FOXR2: variants seen among roughly 807,000 people sequenced by gnomAD.
The protein encoded by FOXR2 is forkhead box protein R2.
For synonymous variants in FOXR2, 109 were observed against 84.1 expected (o/e 1.30, Z -1.62); for missense variants, 234 against 227.1 (o/e 1.03, Z -0.20).
Position 55,624,123 on chromosome X carries a change from C to A in FOXR2, c.412C>A (p.Gln138Lys). The change falls in exon 1 of 1, where the codon CAG becomes AAG. Residue 138 changes from glutamine to lysine, a missense_variant. Coordinates refer to ENST00000339140, the MANE Select transcript of FOXR2 (RefSeq NM_198451.4). ...VESLPSSSSE[Q>K]SPLQKQGIHS... The stretch of plus-strand genomic sequence containing the variant: ...GTCTCTGCCATCTTCCTCCAGTGAG[C>A]AGTCTCCTTTACAGAAGCAGGGTAT... 8.3e-7 allele frequency: 1 copy of A among 1,211,924 alleles called. No individual in the cohort carries two copies. The highest frequency in any genetic ancestry group is 1.1e-6 in the Non-Finnish European group (1 of 895,528).
In FOXR2 at chrX:55,626,083, CAT is replaced by C. The variant is rs1237798791; in HGVS notation, c.*1439_*1440del. ...ATATTTAGGTTAAATCACAAAACAA[CAT>C]ATGCAAACAGTATTTTTTGAAAAAA... On this transcript the variant is annotated 3_prime_UTR_variant, in exon 1 of 1. Coordinates refer to ENST00000339140, the MANE Select transcript of FOXR2 (RefSeq NM_198451.4). Among the ~76,000 whole-genome samples, 266 of 111,651 alleles carry C rather than the reference CAT, an allele frequency of 2.4e-3. No homozygotes were observed. The highest frequency in any genetic ancestry group is 8.3e-3 in the African/African-American group (257 of 30,843).
At position 55,623,752 on chromosome X, in the gene FOXR2, TC is replaced by T; in HGVS notation, c.43del (p.His15MetfsTer12). The T allele has an allele frequency of 8.3e-7, 1 of 1,211,265 alleles. No homozygotes were observed. The highest frequency in any genetic ancestry group is 2.2e-5 in the Admixed American group (1 of 46,027). Reference protein sequence around the residue: ...KLKDCEFWYSLHGQVPGLLDW... With the variant: ...KLKDCEFWYSXHGQVPGLLDW... ...AAAGACTGTGAATTTTGGTATAGTC[TC>T]CATGGCCAGGTCCCAGGGCTGCTGG... On this transcript the variant is annotated frameshift_variant, in exon 1 of 1. Transcript: ENST00000339140. LOFTEE classifies it low-confidence loss of function (END_TRUNC).
At position 55,624,883 on chromosome X, in the gene FOXR2, C is replaced by A; in HGVS notation, c.*236C>A. On this transcript the variant is annotated 3_prime_UTR_variant, in exon 1 of 1. Coordinates refer to ENST00000339140, the MANE Select transcript of FOXR2 (RefSeq NM_198451.4). Reference sequence around the variant, plus strand: ...AGTGGCTGTTGTTCCAAATTTTGAGCAAAGGAAAAGAAATCCTAGAAACAA... The same window carrying A: ...AGTGGCTGTTGTTCCAAATTTTGAGAAAAGGAAAAGAAATCCTAGAAACAA... 2.8e-6 allele frequency: 1 copy of A among 355,672 alleles called. No homozygotes were observed. The highest frequency in any genetic ancestry group is 5.0e-6 in the Non-Finnish European group (1 of 198,832). 29.3% of individuals were successfully genotyped at this position (355,672 alleles called of 1,213,427 possible). A position where few individuals can be genotyped will look rare whatever the true frequency, so the allele number is the denominator to read the frequency against.
In FOXR2 at chrX:55,624,323, A is replaced by T; in HGVS notation, c.612A>T (p.Ala204=). 8.2e-7 allele frequency: 1 copy of T among 1,212,279 alleles called. No homozygotes were observed. The highest frequency in any genetic ancestry group is 1.1e-6 in the Non-Finnish European group (1 of 895,587). ...PLNCSHLIAL[A]LRNNPHCGLS... is the part of the protein sequence containing the mutation. ...ATTGTAGCCACCTTATTGCCCTAGC[A>T]TTAAGAAACAACCCCCACTGTGGCC... The change falls in exon 1 of 1, where the codon GCA becomes GCT. Residue 204 remains alanine (A), a synonymous_variant. Transcript: ENST00000339140.
In FOXR2 at chrX:55,624,713, TA is replaced by T; in HGVS notation, c.*68del. 2 of 888,801 alleles carry T rather than the reference TA, an allele frequency of 2.3e-6. No individual in the cohort carries two copies. The highest frequency in any genetic ancestry group is 3.2e-6 in the Non-Finnish European group (2 of 626,674). 73.2% of individuals were successfully genotyped at this position (888,801 alleles called of 1,213,427 possible). On this transcript the variant is annotated 3_prime_UTR_variant, in exon 1 of 1. Transcript: ENST00000339140. ...TGCCTACTTATCCCCTGACATTCAT[TA>T]ATCTCTAAACTTACCCAGCCTGGTT...
rs2032332593 is a variant in FOXR2, at chrX:55,625,366, T to C, written c.*719T>C. 8.4e-6 allele frequency: 1 copy of C among 119,196 alleles called. No homozygotes were observed. The highest frequency in any genetic ancestry group is 9.6e-5 in the Admixed American group (1 of 10,447). The allele number at this position is 119,196 out of a possible 1,213,427, so 9.8% of individuals were successfully genotyped here. A position where few individuals can be genotyped will look rare whatever the true frequency, so the allele number is the denominator to read the frequency against. ...ATTTTATTGAGGATATGCTAATGTGTCAAGGTCCATCTTAGATGCTGAGGA... is the reference window on the plus strand; with the variant it reads ...ATTTTATTGAGGATATGCTAATGTGCCAAGGTCCATCTTAGATGCTGAGGA... On this transcript the variant is annotated 3_prime_UTR_variant, in exon 1 of 1. Coordinates refer to ENST00000339140, the MANE Select transcript of FOXR2 (RefSeq NM_198451.4).
In FOXR2 at chrX:55,625,018, G is replaced by C. The variant is rs2032330076; in HGVS notation, c.*371G>C. 6.6e-6 allele frequency: 1 copy of C among 151,924 alleles called. No individual in the cohort carries two copies. Among genetic ancestry groups the C allele is most frequent in the African/African-American group, 3.1e-5 (1 of 32,037 alleles). 12.5% of individuals were successfully genotyped at this position (151,924 alleles called of 1,213,427 possible). On this transcript the variant is annotated 3_prime_UTR_variant, in exon 1 of 1. Transcript: ENST00000339140. ...AACAGTGGAATATAAAGCATAAAAG[G>C]CAGGATGGAGCCGAGCCATGGAGAA...
rs970887426 is a variant in FOXR2, at chrX:55,623,475, TCTTTTTTATTA to T, written c.-233_-223del. On this transcript the variant is annotated 5_prime_UTR_variant, in exon 1 of 1. The change abolishes the stop of an existing upstream ORF in the 5' untranslated region. Coordinates refer to ENST00000339140, the MANE Select transcript of FOXR2 (RefSeq NM_198451.4). ...TAAAAATGTTTTTCTGCTCAAAAGC[TCTTTTTTATTA>T]CTTCCATGTTTTGAGCCTTGTTCCA... is the stretch of plus-strand genomic sequence containing the variant. 13 of 303,940 alleles carry T rather than the reference TCTTTTTTATTA, an allele frequency of 4.3e-5. No homozygotes were observed. Among genetic ancestry groups the T allele is most frequent in the African/African-American group, 3.0e-4 (11 of 36,695 alleles). 25.0% of individuals were successfully genotyped at this position (303,940 alleles called of 1,213,427 possible).
In FOXR2 at chrX:55,624,335, C is replaced by A. The variant is rs748142372; in HGVS notation, c.624C>A (p.Asn208Lys). The change falls in exon 1 of 1, where the codon AAC (asparagine) becomes AAA (lysine). Residue 208 changes from asparagine (N) to lysine (K), a missense_variant. Physicochemically the swap from Asn to Lys is moderately conservative, Grantham distance 94. Coordinates refer to ENST00000339140, the MANE Select transcript of FOXR2 (RefSeq NM_198451.4). ...TTATTGCCCTAGCATTAAGAAACAA[C>A]CCCCACTGTGGCCTCAGTGTGCAGG... Reference protein sequence around the residue: ...SHLIALALRNNPHCGLSVQEI... With the variant: ...SHLIALALRNKPHCGLSVQEI... 5 of 1,212,157 alleles carry A rather than the reference C, an allele frequency of 4.1e-6. No individual in the cohort carries two copies. Among genetic ancestry groups the A allele is most frequent in the Non-Finnish European group, 5.6e-6 (5 of 895,535 alleles).
At position 55,623,850 on chromosome X, in the gene FOXR2, G is replaced by A. The variant is rs769722308; in HGVS notation, c.139G>A (p.Ala47Thr). Residue 47 changes from alanine (A) to threonine (T), a missense_variant, in exon 1 of 1, where the codon GCC becomes ACC. By Grantham distance (58) the Ala-to-Thr change is moderately conservative. Transcript: ENST00000339140. ...DQCSLAEQILAKYRVGVMKPP... is the reference protein window; with the variant it reads ...DQCSLAEQILTKYRVGVMKPP... ...GTGCTCTTTAGCTGAGCAAATCCTT[G>A]CCAAATACAGAGTCGGAGTAATGAA... 91 of 1,209,746 alleles carry A rather than the reference G, an allele frequency of 7.5e-5. No individual in the cohort carries two copies. Among genetic ancestry groups the A allele is most frequent in the Non-Finnish European group, 9.0e-5 (81 of 895,194 alleles).
rs1366774250 is a variant in FOXR2, at chrX:55,624,379, G to A, written c.668G>A (p.Arg223Gln). 1.7e-6 allele frequency: 2 copies of A among 1,211,977 alleles called. No individual in the cohort carries two copies. The highest frequency in any genetic ancestry group is 1.8e-5 in the South Asian group (1 of 57,031). The change falls in exon 1 of 1, where the codon CGA (arginine) becomes CAA (glutamine). Residue 223 changes from arginine to glutamine, a missense_variant. Coordinates refer to ENST00000339140, the MANE Select transcript of FOXR2 (RefSeq NM_198451.4). ...LSVQEIYNFT[R>Q]QHFPFFWTAP... ...GTGCAGGAGATCTACAATTTCACCC[G>A]ACAGCATTTCCCCTTTTTCTGGACA...
Position 55,624,563 on chromosome X carries a change from T to A in FOXR2, c.852T>A (p.Thr284=), listed in dbSNP as rs2032324620. 1.7e-6 allele frequency: 2 copies of A among 1,211,649 alleles called. No homozygotes were observed. Among genetic ancestry groups the A allele is most frequent in the Non-Finnish European group, 2.2e-6 (2 of 895,073 alleles). ...KEGHRRFWEE[T]RVLAFAQRER... The stretch of plus-strand genomic sequence containing the variant: ...GGCACCGCCGCTTTTGGGAGGAGAC[T>A]CGTGTCTTAGCCTTTGCTCAAAGGG... The change falls in exon 1 of 1, where the codon ACT becomes ACA. Residue 284 remains threonine, a synonymous_variant. Transcript: ENST00000339140.
In FOXR2 at chrX:55,623,840, G is replaced by A. The variant is rs1323194198; in HGVS notation, c.129G>A (p.Glu43=). 2.5e-6 allele frequency: 3 copies of A among 1,209,780 alleles called. No homozygotes were observed. Among genetic ancestry groups the A allele is most frequent in the South Asian group, 1.8e-5 (1 of 56,780 alleles). Residue 43 remains glutamate (E), a synonymous_variant, in exon 1 of 1, where the codon GAG becomes GAA. Coordinates refer to ENST00000339140, the MANE Select transcript of FOXR2 (RefSeq NM_198451.4). ...PCTTDQCSLA[E]QILAKYRVGV... is the part of the protein sequence containing the mutation. The stretch of plus-strand genomic sequence containing the variant: ...CCACAGACCAGTGCTCTTTAGCTGA[G>A]CAAATCCTTGCCAAATACAGAGTCG...
In FOXR2 at chrX:55,626,180, A is replaced by G. The variant is rs1033391102; in HGVS notation, c.*1533A>G. Among the ~76,000 whole-genome samples the G allele has an allele frequency of 8.9e-6, 1 of 112,371 alleles. No homozygotes were observed. The highest frequency in any genetic ancestry group is 3.2e-5 in the African/African-American group (1 of 30,974). On this transcript the variant is annotated 3_prime_UTR_variant, in exon 1 of 1. Coordinates refer to ENST00000339140, the MANE Select transcript of FOXR2 (RefSeq NM_198451.4). ...CAGAATACCTTGGAATTAATAAAAT[A>G]TTCTGCATATAAGTAGTCACCAGTT...
At position 55,623,609 on chromosome X, in the gene FOXR2, T is replaced by G; in HGVS notation, c.-103T>G. The G allele has an allele frequency of 1.6e-4, 92 of 564,808 alleles. No homozygotes were observed. Among genetic ancestry groups the G allele is most frequent in the Non-Finnish European group, 2.4e-4 (83 of 348,646 alleles). The allele number at this position is 564,808 out of a possible 1,213,427, so 46.5% of individuals were successfully genotyped here. A position where few individuals can be genotyped will look rare whatever the true frequency, so the allele number is the denominator to read the frequency against. ...CAGGCCTACTGATAAGCTCCCTAGA[T>G]GAGATACACTGCATAAAAAAATGAT... On this transcript the variant is annotated 5_prime_UTR_variant, in exon 1 of 1. An upstream start codon of the reference 5' UTR is lost. Coordinates refer to ENST00000339140, the MANE Select transcript of FOXR2 (RefSeq NM_198451.4).
At position 55,625,281 on chromosome X, in the gene FOXR2, G is replaced by C. The variant is rs2032331709; in HGVS notation, c.*634G>C. On this transcript the variant is annotated 3_prime_UTR_variant, in exon 1 of 1. Coordinates refer to ENST00000339140, the MANE Select transcript of FOXR2 (RefSeq NM_198451.4). ...GTTTAACGTCCTGTGAAATATTCCT[G>C]TATTAACCCCAAGCCTTTTGATGAT... is the stretch of plus-strand genomic sequence containing the variant. 1 of 122,910 alleles carries C rather than the reference G, an allele frequency of 8.1e-6. No individual in the cohort carries two copies. The highest frequency in any genetic ancestry group is 1.9e-5 in the Non-Finnish European group (1 of 53,262). 10.1% of individuals were successfully genotyped at this position (122,910 alleles called of 1,213,427 possible).
In FOXR2 at chrX:55,623,667, A is replaced by G. The variant is rs775397005; in HGVS notation, c.-45A>G. On this transcript the variant is annotated 5_prime_UTR_variant, in exon 1 of 1. It adds an upstream start codon to the 5' untranslated region. Coordinates refer to ENST00000339140, the MANE Select transcript of FOXR2 (RefSeq NM_198451.4). ...GGACAGCTTTAAGTGCCTGCTAGAT[A>G]TCTGTTCTTTCAGAAGTCTCTCTCC... 3.1e-5 allele frequency: 31 copies of G among 999,368 alleles called. No individual in the cohort carries two copies. The Middle Eastern group carries it at 1.1e-3, about 34-fold the overall frequency. 82.4% of individuals were successfully genotyped at this position (999,368 alleles called of 1,213,427 possible). A position where few individuals can be genotyped will look rare whatever the true frequency, so the allele number is the denominator to read the frequency against.
In FOXR2 at chrX:55,624,720, T is replaced by G; in HGVS notation, c.*73T>G. On this transcript the variant is annotated 3_prime_UTR_variant, in exon 1 of 1. Transcript: ENST00000339140. ...TTATCCCCTGACATTCATTAATCTC[T>G]AAACTTACCCAGCCTGGTTGGTGCC... is the stretch of plus-strand genomic sequence containing the variant. The G allele has an allele frequency of 2.4e-6, 2 of 836,998 alleles. No individual in the cohort carries two copies. Among genetic ancestry groups the G allele is most frequent in the Non-Finnish European group, 3.4e-6 (2 of 583,475 alleles). 69.0% of individuals were successfully genotyped at this position (836,998 alleles called of 1,213,427 possible).
chrX:55,624,543 C>T lies in FOXR2; in HGVS notation c.832C>T (p.Arg278Cys), dbSNP rs138589958. ...CLWKLTKEGH[R>C]RFWEETRVLA... ...TTGGAAGCTCACTAAGGAGGGGCAC[C>T]GCCGCTTTTGGGAGGAGACTCGTGT... Residue 278 changes from arginine (R) to cysteine (C), a missense_variant, in exon 1 of 1, where the codon CGC (arginine) becomes TGC (cysteine). Physicochemically the swap from Arg to Cys is radical, Grantham distance 180 (BLOSUM62 -3). Coordinates refer to ENST00000339140, the MANE Select transcript of FOXR2 (RefSeq NM_198451.4). The T allele has an allele frequency of 1.1e-5, 13 of 1,209,808 alleles. No individual in the cohort carries two copies. The highest frequency in any genetic ancestry group is 8.9e-5 in the East Asian group (3 of 33,768).
Sources: allele counts gnomAD v4.1 joint callset (sites outside exome capture counted in the v4.1 genomes callset), GRCh38; gene constraint gnomAD v4.1.1; transcripts MANE v1.5; gene names NCBI Gene and HGNC (gene_info 2026-07-23, HGNC 2026-07-21).